The following MAD1L1 variants were observed in gnomAD, a reference collection of about 807,000 sequenced individuals.
MAD1L1 encodes mitotic spindle assembly checkpoint protein MAD1.
A neutral mutation model predicts 96.9 loss-of-function variants in MAD1L1; 95 were observed. The observed-to-expected ratio is 0.98, with a 90% confidence interval of 0.83 to 1.16. MAD1L1 has a LOEUF of 1.16. Ranked by LOEUF, MAD1L1 falls within the 50% of genes most tolerant of loss-of-function variation. The pLI is 0.00. For synonymous variants in MAD1L1, 473 were observed against 396.6 expected, an observed-to-expected ratio of 1.19 and a Z score of -2.29; for missense variants, 1,007 against 954.4, an observed-to-expected ratio of 1.06 and a Z score of -0.73.
chr7:1,897,099 T>C (rs1054596327), intron 18 of MAD1L1, among the ~76,000 whole-genome samples: 2 of 150,952 alleles, frequency 1.3e-5, no homozygotes, highest in African/African-American at 4.9e-5. Context: ...CCCGGCACGG[T>C]GCCCCCGTGC....
At chr7:1,981,746 G>A (rs190508615) in intron 14 of MAD1L1, among the ~76,000 whole-genome samples, 79 of 152,250 alleles carry the variant, frequency 5.2e-4, no homozygotes, top group South Asian at 1.0e-3. Context: ...ATGTGAGGGG[G>A]ACAACACCCC....
intron 4 of MAD1L1, among the ~76,000 whole-genome samples, chr7:2,223,165 G>A (rs912361101): frequency 6.6e-6 from 1 of 152,204 alleles, no homozygotes; most frequent in African/African-American, 2.4e-5. Context: ...AAAGGAGCTG[G>A]CACTCCCCCA....
chr7:1,875,672 T>A (rs1033211033), intron 18 of MAD1L1, among the ~76,000 whole-genome samples: 2 of 152,182 alleles, frequency 1.3e-5, no homozygotes, highest in African/African-American at 2.4e-5. Context: ...GGAACCCTGT[T>A]TAGTAACGCT....
At chr7:1,840,260 T>C (rs1261074864) in intron 18 of MAD1L1, among the ~76,000 whole-genome samples, 1 of 151,982 alleles carries the variant, frequency 6.6e-6, no homozygotes, top group Non-Finnish European at 1.5e-5. Context: ...CAGAAACATC[T>C]CCCCAACCCA....
chr7:2,156,385 G>T (rs983367010), intron 10 of MAD1L1, among the ~76,000 whole-genome samples: 1 of 152,186 alleles, frequency 6.6e-6, no homozygotes, highest in Admixed American at 6.5e-5. Flanking sequence ...AGAGTCATCT[G>T]AGGCAACTCC....
chr7:1,943,123 T>G (rs1232624570), intron 16 of MAD1L1, among the ~76,000 whole-genome samples: 1 of 152,110 alleles, frequency 6.6e-6, no homozygotes, highest in Non-Finnish European at 1.5e-5. Context: ...AAAAACTAAG[T>G]AACAATGGAT....
At chr7:2,110,708 A>G (rs4721410) in intron 11 of MAD1L1, among the ~76,000 whole-genome samples, 107,658 of 152,056 alleles carry the variant, frequency 0.71, 38,547 homozygotes, top group South Asian at 0.79. Context: ...AGATGCTTTC[A>G]GATCTGTGAC....
At chr7:2,086,057 CGGGAGGACTCCACGCTGCGG>C (rs1785904203) in intron 11 of MAD1L1, among the ~76,000 whole-genome samples, 1 of 152,208 alleles carries the variant, frequency 6.6e-6, no homozygotes, top group Non-Finnish European at 1.5e-5. Flanking sequence ...CCACCCTGCC[CGGGAGGACTCCACGCTGCGG>C]GGGAGGACGG....
chr7:1,897,085 C>G (rs1786922603), intron 18 of MAD1L1, among the ~76,000 whole-genome samples: 1 of 152,212 alleles, frequency 6.6e-6, no homozygotes, highest in Non-Finnish European at 1.5e-5. Flanking sequence ...GAACGCAGAG[C>G]AAGCCCGGCA....
intron 14 of MAD1L1, among the ~76,000 whole-genome samples, chr7:1,984,137 T>C (rs1039020367): frequency 5.3e-5 from 8 of 152,262 alleles, no homozygotes; most frequent in African/African-American, 1.7e-4. Context: ...CTACATCTTA[T>C]GCACTTTTGA....
chr7:1,939,109 G>C (rs1393915954), intron 16 of MAD1L1, among the ~76,000 whole-genome samples: 1 of 118,768 alleles, frequency 8.4e-6, no homozygotes, highest in Non-Finnish European at 1.7e-5. Flanking sequence ...ACGGGCCAGG[G>C]CCAGAGGCGC....
intron 18 of MAD1L1, among the ~76,000 whole-genome samples, chr7:1,891,646 T>C (rs1352073760): frequency 6.6e-6 from 1 of 152,208 alleles, no homozygotes; most frequent in Admixed American, 6.5e-5. Flanking sequence ...GGCGCGATCA[T>C]AGTTTTCACC....
At position 1,898,318 on chromosome 7, in the gene MAD1L1, T is replaced by C. The variant is rs764731139; in HGVS notation, c.1880A>G (p.Gln627Arg). Reference sequence around the variant, plus strand: ...CGTGTAGCAGGCCTTGCGGAACTCCTGGATCTTGGTCTGGAAAACCTCCTT... The same window carrying C: ...CGTGTAGCAGGCCTTGCGGAACTCCCGGATCTTGGTCTGGAAAACCTCCTT... ...RLKEVFQTKI[Q>R]EFRKACYTLT... Residue 627 changes from glutamine to arginine, a missense_variant, in exon 18 of 19, where the codon CAG (glutamine) becomes CGG (arginine). By Grantham distance (43) the Gln-to-Arg change is conservative. Transcript: ENST00000265854. 5 of 1,614,012 alleles carry C rather than the reference T, an allele frequency of 3.1e-6. No homozygotes were observed. The African/African-American group carries it at 5.3e-5, about 17-fold the overall frequency.
At position 1,825,933 on chromosome 7, in the gene MAD1L1, C is replaced by T. The variant is rs1317044700; in HGVS notation, c.1999-9705G>A. Among the ~76,000 whole-genome samples the T allele has an allele frequency of 4.6e-5, 7 of 151,856 alleles. 1 individual carries two copies. Among genetic ancestry groups the T allele is most frequent in the Middle Eastern group, 6.9e-3 (2 of 290 alleles). ...CGGTCGGCACAGTCCCAGCCCCAGG[C>T]GGGGTTGGAGGCCAGCACGGTCCCA... On this transcript the variant is annotated intron_variant, in intron 18 of 18. Transcript: ENST00000265854.
intron 11 of MAD1L1, among the ~76,000 whole-genome samples, chr7:2,128,724 C>G (rs1434829704): frequency 6.6e-6 from 1 of 152,192 alleles, no homozygotes; most frequent in East Asian, 1.9e-4. Flanking sequence ...AAACCGGCTC[C>G]CTCTGCCCTT....
chr7:1,887,185 G>A (rs73288737), intron 18 of MAD1L1, among the ~76,000 whole-genome samples: 2,134 of 152,352 alleles, frequency 0.014, 54 homozygotes, highest in African/African-American at 0.048. Context: ...CACATGGGAC[G>A]CCTGGGAGAG....
intron 15 of MAD1L1, among the ~76,000 whole-genome samples, chr7:1,971,517 G>A (rs1780405246): frequency 6.6e-6 from 1 of 152,156 alleles, no homozygotes; most frequent in South Asian, 2.1e-4. Flanking sequence ...GGAGAAACAG[G>A]ATGCAAATGA....
intron 14 of MAD1L1, 146 bp downstream of exon 14, chr7:2,001,919 C>A: frequency 2.5e-6 from 2 of 816,310 alleles, no homozygotes; most frequent in East Asian, 2.4e-5. Context: ...CCTCACACAC[C>A]CTTCCCCGCT....
intron 15 of MAD1L1, among the ~76,000 whole-genome samples, chr7:1,973,066 C>T (rs969302014): frequency 1.2e-4 from 18 of 152,240 alleles, no homozygotes; most frequent in Admixed American, 9.8e-4. Context: ...TTTGATGACC[C>T]GTGATGTGAT....
Sources: gnomAD v4.1 joint callset for allele counts (sites outside exome capture counted in the v4.1 genomes callset) on GRCh38, gnomAD v4.1.1 for gene constraint, MANE v1.5 for transcripts, NCBI Gene and HGNC (gene_info 2026-07-23, HGNC 2026-07-21) for gene names.